TWSG1: variants seen among roughly 807,000 people sequenced by gnomAD.
TWSG1 encodes the protein twisted gastrulation protein homolog 1.
TWSG1 carries 15 observed loss-of-function variants against 23.0 expected under a neutral mutation model. That is an observed-to-expected ratio of 0.65 (90% CI 0.44 to 1.00). The LOEUF (loss-of-function observed/expected upper bound fraction) is 1.00, where lower values mean the gene tolerates loss of function less well. Among genes scored for constraint, TWSG1 ranks in the 50% least tolerant of loss-of-function variants. The probability of loss-of-function intolerance (pLI) is 0.00; values close to 1 mark genes in which losing one functional copy is unlikely to be tolerated. For synonymous variants in TWSG1, 86 were observed against 92.8 expected (o/e 0.93, Z 0.42); for missense variants, 242 against 278.7 (o/e 0.87, Z 0.94).
intron 4 of TWSG1, among the ~76,000 whole-genome samples, chr18:9,398,366 T>C (rs776907489): frequency 9.9e-5 from 15 of 152,196 alleles, no homozygotes; most frequent in Non-Finnish European, 5.9e-5. Context: ...AAGTTTTTTC[T>C]CTGTGACATC....
chr18:9,343,210 TTATATATATATATATA>T lies in TWSG1; in HGVS notation c.123+5894_123+5909del, dbSNP rs6146209. On this transcript the variant is annotated intron_variant, in intron 2 of 4. Transcript: ENST00000262120. ...AGGAAATGCCCTGTTTTGTTTTTTG[TTATATATATATATATA>T]TATATATATATATATATATATATAT... Among the ~76,000 whole-genome samples the T allele has an allele frequency of 2.2e-3, 290 of 132,076 alleles. 5 individuals carry two copies. The highest frequency in any genetic ancestry group is 6.2e-3 in the African/African-American group (216 of 34,804). 86.6% of individuals were successfully genotyped at this position (132,076 alleles called of 152,430 possible).
At chr18:9,355,431 ACATT>A (rs916351184) in intron 2 of TWSG1, among the ~76,000 whole-genome samples, 40 of 152,322 alleles carry the variant, frequency 2.6e-4, no homozygotes, top group African/African-American at 8.9e-4. Flanking sequence ...ATATTTAGAA[ACATT>A]CATCCTAACC....
At chr18:9,359,246 C>CAG (rs372689108) in intron 2 of TWSG1, among the ~76,000 whole-genome samples, 11 of 152,008 alleles carry the variant, frequency 7.2e-5, no homozygotes, top group African/African-American at 2.4e-4. Context: ...GACTTGTCCA[C>CAG]ATGGCCATAT....
chr18:9,347,712 T>C (rs2040483831), intron 2 of TWSG1, among the ~76,000 whole-genome samples: 1 of 152,172 alleles, frequency 6.6e-6, no homozygotes, highest in African/African-American at 2.4e-5. Flanking sequence ...GGAAATTTCC[T>C]GACCTTACCT....
chr18:9,354,349 A>T (rs2040515366), intron 2 of TWSG1, among the ~76,000 whole-genome samples: 1 of 152,192 alleles, frequency 6.6e-6, no homozygotes. Context: ...AGCAGTAAAT[A>T]ATTGGAAGCA....
chr18:9,389,385 A>G (rs1188968236), intron 3 of TWSG1, among the ~76,000 whole-genome samples: 1 of 152,192 alleles, frequency 6.6e-6, no homozygotes, highest in Non-Finnish European at 1.5e-5. Context: ...TTACGTATAG[A>G]TATAGTTATT....
At chr18:9,359,691 G>A (rs913279912) in intron 2 of TWSG1, among the ~76,000 whole-genome samples, 3 of 152,198 alleles carry the variant, frequency 2.0e-5, no homozygotes, top group East Asian at 1.9e-4. Flanking sequence ...ATTCGTTGAG[G>A]TGGTGTGGGT....
At chr18:9,345,318 A>G (rs1320332933) in intron 2 of TWSG1, among the ~76,000 whole-genome samples, 2 of 152,158 alleles carry the variant, frequency 1.3e-5, no homozygotes, top group Non-Finnish European at 2.9e-5. Flanking sequence ...ACCTAAGCCA[A>G]AGTCATAAAG....
intron 4 of TWSG1, among the ~76,000 whole-genome samples, chr18:9,397,488 G>A (rs2145637726): frequency 6.6e-6 from 1 of 152,310 alleles, no homozygotes; most frequent in South Asian, 2.1e-4. Context: ...ATTTATTAGT[G>A]AAGATAGGTC....
intron 2 of TWSG1, among the ~76,000 whole-genome samples, chr18:9,347,741 A>T (rs766616604): frequency 6.6e-6 from 1 of 151,892 alleles, no homozygotes; most frequent in Non-Finnish European, 1.5e-5. Flanking sequence ...TTTCTATTGA[A>T]TTTTTTAATT....
chr18:9,391,930 AG>A (rs1359579400), intron 3 of TWSG1, among the ~76,000 whole-genome samples: 1 of 152,234 alleles, frequency 6.6e-6, no homozygotes, highest in Non-Finnish European at 1.5e-5. Flanking sequence ...TTTTCTGAAA[AG>A]TAGGTCTCAA....
At chr18:9,341,037 C>T (rs977892200) in intron 2 of TWSG1, among the ~76,000 whole-genome samples, 1 of 152,138 alleles carries the variant, frequency 6.6e-6, no homozygotes, top group Non-Finnish European at 1.5e-5. Context: ...TCCCCATCTC[C>T]CTCCCTCTCT....
intron 3 of TWSG1, among the ~76,000 whole-genome samples, chr18:9,376,691 G>T (rs2040631781): frequency 6.6e-6 from 1 of 151,922 alleles, no homozygotes; most frequent in Non-Finnish European, 1.5e-5. Flanking sequence ...AATTAGCCAG[G>T]CATGGTGGCA....
chr18:9,344,146 T>A (rs2040462633), intron 2 of TWSG1, among the ~76,000 whole-genome samples: 1 of 152,230 alleles, frequency 6.6e-6, no homozygotes, highest in African/African-American at 2.4e-5. Flanking sequence ...CCTCAAACGA[T>A]CCTCCTGCCT....
At chr18:9,346,230 G>GGAATCATACA in intron 2 of TWSG1, among the ~76,000 whole-genome samples, 1 of 151,972 alleles carries the variant, frequency 6.6e-6, no homozygotes, top group Non-Finnish European at 1.5e-5. Flanking sequence ...TCATATAGTT[G>GGAATCATACA]GAATCATACA....
At chr18:9,360,834 G>T (rs970596468) in intron 3 of TWSG1, among the ~76,000 whole-genome samples, 2 of 152,030 alleles carry the variant, frequency 1.3e-5, no homozygotes, top group African/African-American at 4.8e-5. Context: ...TTGATCCTAT[G>T]CCCAGAGACT....
At chr18:9,345,316 C>T (rs1345931506) in intron 2 of TWSG1, among the ~76,000 whole-genome samples, 1 of 152,190 alleles carries the variant, frequency 6.6e-6, no homozygotes, top group Admixed American at 6.5e-5. Flanking sequence ...TTACCTAAGC[C>T]AAAGTCATAA....
intron 3 of TWSG1, among the ~76,000 whole-genome samples, chr18:9,372,150 G>GTATATA (rs111687148): frequency 2.6e-4 from 39 of 150,892 alleles, no homozygotes; most frequent in African/African-American, 7.3e-4. Context: ...TGCTATGTAT[G>GTATATA]TATATATATT....
chr18:9,352,691 A>G (rs1338207230), intron 2 of TWSG1, among the ~76,000 whole-genome samples: 3 of 152,218 alleles, frequency 2.0e-5, no homozygotes, highest in African/African-American at 7.2e-5. Context: ...CAGGGTTAAC[A>G]AATCTCTCAG....
Sources: gnomAD v4.1 joint callset for allele counts (sites outside exome capture counted in the v4.1 genomes callset) on GRCh38, gnomAD v4.1.1 for gene constraint, MANE v1.5 for transcripts, NCBI Gene and HGNC (gene_info 2026-07-23, HGNC 2026-07-21) for gene names.